DKK3: variants seen among roughly 807,000 people sequenced by gnomAD.
DKK3 encodes the protein dickkopf-related protein 3.
Under a neutral mutation model 33.2 loss-of-function variants are expected in DKK3, and 22 were observed. The observed-to-expected ratio is 0.66, with a 90% confidence interval of 0.47 to 0.95. The LOEUF (loss-of-function observed/expected upper bound fraction) is 0.95. Among genes scored for constraint, DKK3 ranks in the 40% least tolerant of loss-of-function variants. The probability of loss-of-function intolerance (pLI) is 0.00; values close to 1 mark genes in which losing one functional copy is unlikely to be tolerated. For missense variants in DKK3, 398 were observed against 458.4 expected (o/e 0.87, Z 1.20); for synonymous variants, 194 against 188.8 (o/e 1.03, Z -0.23).
chr11:12,001,242 T>C (rs759411286), intron 2 of DKK3, among the ~76,000 whole-genome samples: 5 of 152,198 alleles, frequency 3.3e-5, no homozygotes, highest in Non-Finnish European at 7.3e-5. Flanking sequence ...GCCAAAGGAT[T>C]ATGTTCTGCT....
intron 5 of DKK3, among the ~76,000 whole-genome samples, chr11:11,966,681 G>A (rs1246045481): frequency 6.6e-6 from 1 of 152,122 alleles, no homozygotes; most frequent in Admixed American, 6.5e-5. Flanking sequence ...GTGGTGGGAG[G>A]GAGGGGGCTG....
chr11:11,996,711 CT>C (rs1848302207), intron 3 of DKK3, among the ~76,000 whole-genome samples: 1 of 152,220 alleles, frequency 6.6e-6, no homozygotes, highest in Non-Finnish European at 1.5e-5. Context: ...CTTGGCAAGC[CT>C]CCAGCACGTG....
intron 3 of DKK3, among the ~76,000 whole-genome samples, chr11:11,988,845 A>G (rs1848127804): frequency 6.6e-6 from 1 of 152,234 alleles, no homozygotes; most frequent in Non-Finnish European, 1.5e-5. Flanking sequence ...GCTACAGACC[A>G]GGGTGAGGGG....
rs1433019420 is a variant in DKK3 at position 11,989,256 on chromosome 11, G to C, written c.435+9440C>G. Among the ~76,000 whole-genome samples the C allele has an allele frequency of 2.6e-5, 4 of 152,304 alleles. No individual in the cohort carries two copies. The East Asian group carries it at 7.7e-4, about 29-fold the overall frequency. On this transcript the variant is annotated intron_variant, in intron 3 of 6. Transcript: ENST00000683431. ...ATGAAAGAATATCAAAGAGATATTT[G>C]CATACCTGTGTTCATAGCAGCATTA...
chr11:11,973,066 A>T (rs184403667), intron 3 of DKK3, among the ~76,000 whole-genome samples: 23 of 152,334 alleles, frequency 1.5e-4, no homozygotes, highest in African/African-American at 5.5e-4. Context: ...CTCCATCCTG[A>T]AGTGAAAGGC....
At chr11:11,983,812 G>C (rs1339858168) in intron 3 of DKK3, among the ~76,000 whole-genome samples, 3 of 152,224 alleles carry the variant, frequency 2.0e-5, no homozygotes, top group African/African-American at 7.2e-5. Flanking sequence ...GCATTTTCCA[G>C]ACCAACCCCC....
chr11:11,986,704 A>C lies in DKK3; in HGVS notation c.435+11992T>G, dbSNP rs192968063. ...TATATCTTTTAATTGAAATGGCCAA[A>C]ATTTACAACTGGGTTCATATTCCAG... On this transcript the variant is annotated intron_variant, in intron 3 of 6. Transcript: ENST00000683431. Among the ~76,000 whole-genome samples the C allele has an allele frequency of 3.3e-4, 51 of 152,256 alleles. 1 individual carries two copies. The highest frequency in any genetic ancestry group is 3.1e-3 in the Admixed American group (48 of 15,300).
chr11:11,998,731 T>C lies in DKK3; in HGVS notation c.400A>G (p.Thr134Ala), dbSNP rs754618779. 2 of 1,614,226 alleles carry C rather than the reference T, an allele frequency of 1.2e-6. No homozygotes were observed. The highest frequency in any genetic ancestry group is 1.7e-6 in the Non-Finnish European group (2 of 1,180,046). ...CTGCCTTCTTCGTCTCCCACAGATGTGATAACTGTCTCTGAAAAGACCATT... is the reference window on the plus strand; with the variant it reads ...CTGCCTTCTTCGTCTCCCACAGATGCGATAACTGTCTCTGAAAAGACCATT... The part of the protein sequence containing the change: ...GQMVFSETVI[T>A]SVGDEEGRRS... Residue 134 changes from threonine to alanine, a missense_variant, in exon 3 of 7, where the codon ACA (threonine) becomes GCA (alanine). Coordinates refer to ENST00000683431, the MANE Select transcript of DKK3 (RefSeq NM_001018057.2).
chr11:11,992,998 C>A (rs946691702), intron 3 of DKK3, among the ~76,000 whole-genome samples: 1 of 152,188 alleles, frequency 6.6e-6, no homozygotes, highest in Non-Finnish European at 1.5e-5. Context: ...TGGTGAAACA[C>A]AGCCTCAGAA....
intron 2 of DKK3, among the ~76,000 whole-genome samples, chr11:12,000,508 T>A (rs1392321755): frequency 6.9e-6 from 1 of 144,040 alleles, no homozygotes; most frequent in Non-Finnish European, 1.5e-5. Flanking sequence ...TGCCTGGCCT[T>A]TTTTTTTTTT....
intron 3 of DKK3, 57 bp downstream of exon 3, chr11:11,998,639 G>T: frequency 6.6e-7 from 1 of 1,509,810 alleles, no homozygotes; most frequent in Non-Finnish European, 9.2e-7. Flanking sequence ...TTGGCAAACT[G>T]AATGAAAATG....
intron 3 of DKK3, among the ~76,000 whole-genome samples, chr11:11,990,270 C>T (rs1848160499): frequency 6.6e-6 from 1 of 152,190 alleles, no homozygotes; most frequent in Admixed American, 6.5e-5. Flanking sequence ...GTTCTGCAGC[C>T]GACACCATCA....
At chr11:11,969,767 G>A (rs1847684536) in intron 3 of DKK3, among the ~76,000 whole-genome samples, 1 of 152,190 alleles carries the variant, frequency 6.6e-6, no homozygotes, top group Admixed American at 6.5e-5. Flanking sequence ...CCCCTTCCAG[G>A]GGCTCTGCTG....
At chr11:11,982,910 C>T (rs1847986768) in intron 3 of DKK3, among the ~76,000 whole-genome samples, 1 of 152,186 alleles carries the variant, frequency 6.6e-6, no homozygotes, top group African/African-American at 2.4e-5. Flanking sequence ...AAGCCTAGGA[C>T]TGTTCACGGG....
At position 11,964,642 on chromosome 11, in the gene DKK3, CG is replaced by C; in HGVS notation, c.874del (p.Arg292ValfsTer37). 6.2e-7 allele frequency: 1 copy of C among 1,614,122 alleles called. No homozygotes were observed. The highest frequency in any genetic ancestry group is 8.5e-7 in the Non-Finnish European group (1 of 1,180,022). ...CAGCAGGATCTCCCCATCTTGGTCA[CG>C]GCTCCCCACGAAGGTCGGCTTGCAC... ...YVCKPTFVGS[R>X]DQDGEILLPR... On this transcript the variant is annotated frameshift_variant, in exon 7 of 7. Transcript: ENST00000683431. LOFTEE classifies it low-confidence loss of function (END_TRUNC).
chr11:11,993,845 C>G (rs1367777373), intron 3 of DKK3, among the ~76,000 whole-genome samples: 1 of 152,172 alleles, frequency 6.6e-6, no homozygotes, highest in Non-Finnish European at 1.5e-5. Context: ...TCTGCAGAAA[C>G]CAGTATCACC....
At chr11:11,998,636 A>G (rs991297102) in intron 3 of DKK3, 60 bp downstream of exon 3, 34 of 1,501,924 alleles carry the variant, frequency 2.3e-5, no homozygotes, top group Non-Finnish European at 2.6e-5. Flanking sequence ...CCGTTGGCAA[A>G]CTGAATGAAA....
chr11:11,979,566 G>C (rs1847912252), intron 3 of DKK3: 1 of 152,232 alleles, frequency 6.6e-6, no homozygotes, highest in Admixed American at 6.5e-5. Flanking sequence ...CCCAGCTCCT[G>C]CTAAGGCCAG....
chr11:11,998,663 C>T (rs781647352), intron 3 of DKK3, 33 bp downstream of exon 3: 12 of 1,579,102 alleles, frequency 7.6e-6, no homozygotes, highest in Admixed American at 6.7e-5. Flanking sequence ...GTGAGTGTGT[C>T]GGGGTGCAAG....
Sources: gnomAD v4.1 joint callset for allele counts (sites outside exome capture counted in the v4.1 genomes callset) on GRCh38, gnomAD v4.1.1 for gene constraint, MANE v1.5 for transcripts, NCBI Gene and HGNC (gene_info 2026-07-23, HGNC 2026-07-21) for gene names.